Variants in ATF7IP2 observed in about 807,000 individuals in gnomAD.
ATF7IP2 encodes activating transcription factor 7-interacting protein 2.
A neutral mutation model predicts 64.2 loss-of-function variants in ATF7IP2; 42 were observed. That is an observed-to-expected ratio of 0.65 (90% CI 0.51 to 0.85). The LOEUF is 0.85. ATF7IP2 is among the 40% of genes least tolerant of loss of function. ATF7IP2 has a pLI of 0.00. For missense variants in ATF7IP2, 933 were observed against 784.2 expected (o/e 1.19, Z -2.27); for synonymous variants, 308 against 272.8 (o/e 1.13, Z -1.27).
At chr16:10,460,387 T>C (rs1165489686) in intron 9 of ATF7IP2, among the ~76,000 whole-genome samples, 1 of 152,186 alleles carries the variant, frequency 6.6e-6, no homozygotes, top group Admixed American at 6.5e-5. Flanking sequence ...GATTCTAAAA[T>C]GCAATGGGTT....
intron 1 of ATF7IP2, among the ~76,000 whole-genome samples, chr16:10,414,134 C>T (rs560367363): frequency 3.3e-4 from 50 of 152,280 alleles, no homozygotes; most frequent in Middle Eastern, 3.4e-3. Context: ...AGGTTTTTAA[C>T]AAGGCCCGGG....
chr16:10,415,637 C>T (rs2047857504), intron 2 of ATF7IP2, among the ~76,000 whole-genome samples: 1 of 152,082 alleles, frequency 6.6e-6, no homozygotes, highest in Admixed American at 6.6e-5. Context: ...AGCTTCTGCA[C>T]AGCAAAGGAA....
chr16:10,436,638 C>T (rs901964962), intron 6 of ATF7IP2, among the ~76,000 whole-genome samples: 12 of 151,966 alleles, frequency 7.9e-5, no homozygotes, highest in African/African-American at 2.4e-4. Context: ...AAGAGTTTAA[C>T]GTAGGAACTA....
chr16:10,396,573 A>C (rs1327328903), intron 1 of ATF7IP2, among the ~76,000 whole-genome samples: 1 of 151,900 alleles, frequency 6.6e-6, no homozygotes, highest in Non-Finnish European at 1.5e-5. Context: ...CCCAGGCTGG[A>C]GTGCAGTGGC....
intron 3 of ATF7IP2, among the ~76,000 whole-genome samples, chr16:10,421,034 CAA>C (rs2047979461): frequency 6.6e-6 from 1 of 152,186 alleles, no homozygotes; most frequent in Admixed American, 6.5e-5. Context: ...AGAATATCCA[CAA>C]AGTCAGCTAA....
At chr16:10,440,259 A>G (rs1304355724) in intron 7 of ATF7IP2, 105 bp from the exon 8 acceptor site, 4 of 510,592 alleles carry the variant, frequency 7.8e-6, no homozygotes, top group African/African-American at 2.0e-5. Context: ...ATTTGGGTAG[A>G]TGTCTAGGTC....
intron 8 of ATF7IP2, among the ~76,000 whole-genome samples, chr16:10,442,406 AAAGTTTTAGTAGGGGCTGTTTTTAT>A (rs1262488230): frequency 6.6e-6 from 1 of 152,232 alleles, no homozygotes; most frequent in Non-Finnish European, 1.5e-5. Flanking sequence ...AGAAATGAGG[AAAGTTTTAGTAGGGGCTGTTTTTAT>A]AAGTTTTATT....
chr16:10,411,942 TGCTAATGGTCTATTAA>T (rs2047770333), intron 1 of ATF7IP2, among the ~76,000 whole-genome samples: 2 of 150,376 alleles, frequency 1.3e-5, no homozygotes, highest in South Asian at 2.1e-4. Context: ...TGGTTAATCT[TGCTAATGGTCTATTAA>T]TTTTATTAAC....
At chr16:10,438,355 C>T (rs2048492759) in intron 7 of ATF7IP2, 120 bp downstream of exon 7, 4 of 961,508 alleles carry the variant, frequency 4.2e-6, no homozygotes, top group Non-Finnish European at 5.8e-6. Context: ...AGCAATCCTA[C>T]CACCTCAGTC....
At chr16:10,465,708 C>G (rs1307006672) in intron 9 of ATF7IP2, among the ~76,000 whole-genome samples, 1 of 148,914 alleles carries the variant, frequency 6.7e-6, no homozygotes, top group Non-Finnish European at 1.5e-5. Context: ...CACTGCACTC[C>G]AGCCTGGGCA....
chr16:10,430,868 C>G lies in ATF7IP2; in HGVS notation c.248C>G (p.Ser83Ter). Residue 83 changes from serine (S) to a stop codon, truncating the protein, a stop_gained, in exon 5 of 14, where the codon TCA (serine) becomes TGA (stop). Transcript: ENST00000562102. LOFTEE classifies it high-confidence loss of function. ...TCCTCATTGGACTCTAATAAAAATT[C>G]AATATCAGAGAAAAGTAAAGTATTC... ...GASSLDSNKNSISEKSKVFSQ... is the reference protein window; with the variant it reads ...GASSLDSNKN 6.2e-7 allele frequency: 1 copy of G among 1,613,738 alleles called. No homozygotes were observed. The highest frequency in any genetic ancestry group is 8.5e-7 in the Non-Finnish European group (1 of 1,179,790).
At chr16:10,438,347 CAA>C in intron 7 of ATF7IP2, 112 bp downstream of exon 7, 1 of 1,102,092 alleles carries the variant, frequency 9.1e-7, no homozygotes, top group Non-Finnish European at 1.2e-6. Context: ...TGAGCTCAAG[CAA>C]TCCTACCACC....
At chr16:10,443,025 T>C (rs2048680707) in intron 8 of ATF7IP2, among the ~76,000 whole-genome samples, 2 of 152,280 alleles carry the variant, frequency 1.3e-5, no homozygotes, top group African/African-American at 4.8e-5. Context: ...TCTTGTTTTA[T>C]GGTGGTGTTT....
At chr16:10,451,510 G>A (rs753393362) in intron 8 of ATF7IP2, among the ~76,000 whole-genome samples, 3 of 151,734 alleles carry the variant, frequency 2.0e-5, no homozygotes, top group Admixed American at 6.6e-5. Context: ...GGCTGTGTTC[G>A]TTCCTTTTCA....
rs754878659 is a variant in ATF7IP2 at position 10,482,274 on chromosome 16, C to A, written c.*25C>A. The A allele has an allele frequency of 6.8e-7, 1 of 1,461,086 alleles. No homozygotes were observed. Among genetic ancestry groups the A allele is most frequent in the South Asian group, 1.3e-5 (1 of 75,128 alleles). The allele number at this position is 1,461,086 out of a possible 1,614,324, so 90.5% of individuals were successfully genotyped here. On this transcript the variant is annotated 3_prime_UTR_variant, in exon 14 of 14. Transcript: ENST00000562102. ...AAAGGTGTTTAATAATGATATACTA[C>A]TTTTTTTTTCATATTTGTTTGTTTG...
intron 1 of ATF7IP2, among the ~76,000 whole-genome samples, chr16:10,410,192 A>C (rs12597052): frequency 0.18 from 27,027 of 151,956 alleles, 2,539 homozygotes; most frequent in South Asian, 0.24. Context: ...TATTGTCTCT[A>C]CCCATCCGTG....
intron 9 of ATF7IP2, among the ~76,000 whole-genome samples, chr16:10,460,018 G>A (rs1295355646): frequency 6.6e-6 from 1 of 152,148 alleles, no homozygotes; most frequent in Non-Finnish European, 1.5e-5. Flanking sequence ...ATTGGGGGGT[G>A]TGTGTATGAA....
intron 1 of ATF7IP2, chr16:10,386,687 C>T (rs1027139341): frequency 3.9e-5 from 6 of 152,108 alleles, no homozygotes; most frequent in Non-Finnish European, 7.4e-5. Context: ...AAATCCCGTA[C>T]CTCTGAGCTT....
intron 1 of ATF7IP2, chr16:10,387,787 A>AAATCT (rs1197701121): frequency 6.6e-6 from 1 of 151,876 alleles, no homozygotes; most frequent in Non-Finnish European, 1.5e-5. Flanking sequence ...AAATACCAAA[A>AAATCT]AATCTTATTC....
Sources: allele counts gnomAD v4.1 joint callset (sites outside exome capture counted in the v4.1 genomes callset), GRCh38; gene constraint gnomAD v4.1.1; transcripts MANE v1.5; gene names NCBI Gene and HGNC (gene_info 2026-07-23, HGNC 2026-07-21).